The following RIC8B variants were observed in gnomAD, a reference collection of about 807,000 sequenced individuals.
RIC8B encodes the protein RIC8 guanine nucleotide exchange factor B.
A neutral mutation model predicts 57.5 loss-of-function variants in RIC8B; 16 were observed. The ratio of observed to expected loss-of-function variants is 0.28; its 90% CI spans 0.19 to 0.42. The LOEUF (loss-of-function observed/expected upper bound fraction) is 0.42, where lower values mean the gene tolerates loss of function less well. RIC8B is among the 10% of genes least tolerant of loss of function. The pLI, the probability that RIC8B is intolerant of heterozygous loss-of-function variation, is 1.00. For synonymous variants in RIC8B, 216 were observed against 250.8 expected, an observed-to-expected ratio of 0.86 and a Z score of 1.31; for missense variants, 481 against 677.0, an observed-to-expected ratio of 0.71 and a Z score of 3.21.
At position 106,860,266 on chromosome 12, in the gene RIC8B, A is replaced by T; in HGVS notation, c.1307-2A>T. Reference sequence around the variant, plus strand: ...ATCTAAAACCCTATTCTGTTTTTGCAGTGGATAGTCTGCTGAAATACACTG... The same window carrying T: ...ATCTAAAACCCTATTCTGTTTTTGCTGTGGATAGTCTGCTGAAATACACTG... On this transcript the variant is annotated splice_acceptor_variant, in intron 7 of 9. Coordinates refer to ENST00000392837, the MANE Select transcript of RIC8B (RefSeq NM_001330145.2). LOFTEE classifies it high-confidence loss of function. 1 of 1,570,562 alleles carries T rather than the reference A, an allele frequency of 6.4e-7. No individual in the cohort carries two copies. Among genetic ancestry groups the T allele is most frequent in the Non-Finnish European group, 8.6e-7 (1 of 1,162,152 alleles).
At chr12:106,842,347 C>T (rs1948986801) in intron 4 of RIC8B, among the ~76,000 whole-genome samples, 1 of 152,158 alleles carries the variant, frequency 6.6e-6, no homozygotes, top group Non-Finnish European at 1.5e-5. Flanking sequence ...AGTGACATGA[C>T]ATCATGTGAT....
intron 2 of RIC8B, among the ~76,000 whole-genome samples, chr12:106,786,189 G>A (rs1053352680): frequency 4.1e-5 from 5 of 120,636 alleles, no homozygotes; most frequent in Admixed American, 2.2e-4. Flanking sequence ...TTGCTGTTTC[G>A]CCCAGGCTGG....
intron 9 of RIC8B, chr12:106,871,583 A>G (rs1026869505): frequency 3.3e-5 from 5 of 151,904 alleles, no homozygotes; most frequent in Admixed American, 3.3e-4. Flanking sequence ...TCAAGTATAT[A>G]CTAATCAGCA....
chr12:106,834,068 C>G (rs2046478363), intron 4 of RIC8B, among the ~76,000 whole-genome samples: 1 of 152,216 alleles, frequency 6.6e-6, no homozygotes, highest in Non-Finnish European at 1.5e-5. Flanking sequence ...TCCTGCAGAA[C>G]TGTGAGCCAA....
At chr12:106,808,465 G>A (rs139364980) in intron 2 of RIC8B, among the ~76,000 whole-genome samples, 46 of 152,310 alleles carry the variant, frequency 3.0e-4, no homozygotes, top group African/African-American at 1.1e-3. Flanking sequence ...GTCTAGAACA[G>A]TGCTTCTCAA....
chr12:106,865,463 AAAAG>A (rs562002013), intron 8 of RIC8B, among the ~76,000 whole-genome samples: 9 of 151,922 alleles, frequency 5.9e-5, no homozygotes, highest in Non-Finnish European at 8.8e-5. Flanking sequence ...AACAGAAAAC[AAAAG>A]AAAGAAAATG....
At position 106,886,453 on chromosome 12, in the gene RIC8B, A is replaced by G. The variant is rs1248388713; in HGVS notation, c.*438A>G. ...GAGCTGGTAAATAAAGCCTTGGGCAAGCGACTTCTTAGATCAGAACTCACC... is the reference window on the plus strand; with the variant it reads ...GAGCTGGTAAATAAAGCCTTGGGCAGGCGACTTCTTAGATCAGAACTCACC... On this transcript the variant is annotated 3_prime_UTR_variant, in exon 10 of 10. Transcript: ENST00000392837. 1.3e-5 allele frequency: 2 copies of G among 157,702 alleles called. No homozygotes were observed. The highest frequency in any genetic ancestry group is 4.8e-5 in the African/African-American group (2 of 41,522). 9.8% of individuals were successfully genotyped at this position (157,702 alleles called of 1,614,324 possible).
chr12:106,845,753 A>T (rs1949159358), intron 6 of RIC8B, among the ~76,000 whole-genome samples: 1 of 151,758 alleles, frequency 6.6e-6, no homozygotes, highest in Non-Finnish European at 1.5e-5. Flanking sequence ...CTCTGTACTC[A>T]CTCTCTCTAT....
chr12:106,823,663 A>G (rs1295996753), intron 3 of RIC8B, among the ~76,000 whole-genome samples: 1 of 152,110 alleles, frequency 6.6e-6, no homozygotes, highest in Non-Finnish European at 1.5e-5. Context: ...CATTTCACAT[A>G]GGTATTTAAC....
rs917629042 is a variant in RIC8B, at chr12:106,879,499, A to G, written c.1572-6405A>G. The G allele has an allele frequency of 1.3e-5, 13 of 985,242 alleles. No homozygotes were observed. In the African/African-American group the frequency reaches 2.3e-4, roughly 17 times the overall value. The allele number at this position is 985,242 out of a possible 1,614,324, so 61.0% of individuals were successfully genotyped here. A position where few individuals can be genotyped will look rare whatever the true frequency, so the allele number is the denominator to read the frequency against. ...CCTAGAGTATACCATACTTACAGGC[A>G]AACGGTGGCTCAGGAAAATGTTAAA... On this transcript the variant is annotated intron_variant, in intron 9 of 9. Coordinates refer to ENST00000392837, the MANE Select transcript of RIC8B (RefSeq NM_001330145.2). The surrounding 1 kb of genome is among the most constrained non-coding windows in gnomAD (Gnocchi z 4.9).
intron 8 of RIC8B, among the ~76,000 whole-genome samples, chr12:106,868,690 G>GCTATATACAACTACGCAAAGGCC (rs1950242723): frequency 6.6e-6 from 1 of 151,182 alleles, no homozygotes; most frequent in Admixed American, 6.6e-5. Context: ...CTAACTGGAG[G>GCTATATACAACTACGCAAAGGCC]CCTTTTTCTC....
At chr12:106,855,848 C>T (rs768248220) in intron 7 of RIC8B, among the ~76,000 whole-genome samples, 20 of 152,196 alleles carry the variant, frequency 1.3e-4, no homozygotes, top group Middle Eastern at 3.4e-3. Context: ...CTTCTGAACC[C>T]GGTCATATTT....
chr12:106,811,537 C>T (rs960547784), intron 2 of RIC8B, among the ~76,000 whole-genome samples: 3 of 152,038 alleles, frequency 2.0e-5, no homozygotes, highest in East Asian at 1.9e-4. Context: ...GATTTCAGTT[C>T]GGGAGCAAAC....
At chr12:106,860,169 C>A (rs1314614271) in intron 7 of RIC8B, 99 bp from the exon 8 acceptor site, 2 of 1,042,424 alleles carry the variant, frequency 1.9e-6, no homozygotes, top group Non-Finnish European at 2.7e-6. Context: ...AGGTTTACTG[C>A]CATAGTGTGT....
intron 9 of RIC8B, among the ~76,000 whole-genome samples, chr12:106,880,109 C>A (rs1950854150): frequency 7.2e-6 from 1 of 139,034 alleles, no homozygotes; most frequent in African/African-American, 2.6e-5. Context: ...TATGAAATGG[C>A]CTGTTTATTG....
chr12:106,832,565 T>TG (rs1555255030), intron 4 of RIC8B, among the ~76,000 whole-genome samples: 2 of 111,414 alleles, frequency 1.8e-5, no homozygotes, highest in Non-Finnish European at 3.8e-5. Flanking sequence ...AGACTCTGTA[T>TG]GAAAAAAAAA....
At chr12:106,796,164 T>C (rs2136212239) in intron 2 of RIC8B, among the ~76,000 whole-genome samples, 1 of 152,294 alleles carries the variant, frequency 6.6e-6, no homozygotes, top group Non-Finnish European at 1.5e-5. Flanking sequence ...CTAAAATTCA[T>C]ATGAATTTTT....
At chr12:106,830,376 G>T (rs2136352412) in intron 4 of RIC8B, among the ~76,000 whole-genome samples, 1 of 152,250 alleles carries the variant, frequency 6.6e-6, no homozygotes, top group Admixed American at 6.5e-5. Flanking sequence ...TATGTGTTAG[G>T]CACTATGTTG....
At chr12:106,787,985 A>G (rs763100735) in intron 2 of RIC8B, among the ~76,000 whole-genome samples, 13 of 152,302 alleles carry the variant, frequency 8.5e-5, no homozygotes, top group Non-Finnish European at 1.5e-4. Flanking sequence ...CTCATCTGAG[A>G]CAAGGCAAGT....
Sources: allele counts gnomAD v4.1 joint callset (sites outside exome capture counted in the v4.1 genomes callset), GRCh38; gene constraint gnomAD v4.1.1; non-coding constraint Gnocchi (gnomAD v3.1); transcripts MANE v1.5; gene names NCBI Gene and HGNC (gene_info 2026-07-23, HGNC 2026-07-21).